The following BICD2 variants were observed in gnomAD, a reference collection of about 807,000 sequenced individuals.
BICD2 encodes protein bicaudal D homolog 2.
In BICD2, 25 loss-of-function variants were observed where a neutral mutation model predicts 72.9. The observed-to-expected ratio is 0.34, with a 90% CI of 0.25 to 0.48. BICD2 has a LOEUF of 0.48. Among genes scored for constraint, BICD2 ranks in the 20% least tolerant of loss-of-function variants. The pLI is 0.99. For synonymous variants in BICD2, 501 were observed against 516.1 expected (o/e 0.97, Z 0.40); for missense variants, 894 against 1,175.2 (o/e 0.76, Z 3.50).
intron 2 of BICD2, among the ~76,000 whole-genome samples, chr9:92,727,954 GT>G (rs1285030050): frequency 6.6e-6 from 1 of 152,166 alleles, no homozygotes; most frequent in African/African-American, 2.4e-5. Flanking sequence ...TGCTCACACT[GT>G]TTCCTCAGGT....
In BICD2 at chr9:92,728,493, G is replaced by A. The variant is rs548016296; in HGVS notation, c.453+531C>T. Among the ~76,000 whole-genome samples the A allele has an allele frequency of 5.6e-4, 85 of 152,346 alleles. 1 individual carries two copies. Among genetic ancestry groups the A allele is most frequent in the African/African-American group, 1.7e-3 (71 of 41,586 alleles). On this transcript the variant is annotated intron_variant, in intron 2 of 6. Coordinates refer to ENST00000356884, the MANE Select transcript of BICD2 (RefSeq NM_001003800.2). Reference sequence around the variant, plus strand: ...ACCCTCCCTGCGGGCACTCTGCTGTGAACAAGGCAGGGGTGTGGCAGCTGG... The same window carrying A: ...ACCCTCCCTGCGGGCACTCTGCTGTAAACAAGGCAGGGGTGTGGCAGCTGG...
chr9:92,727,208 C>T (rs998397174), intron 2 of BICD2, among the ~76,000 whole-genome samples: 5 of 152,154 alleles, frequency 3.3e-5, no homozygotes, highest in Non-Finnish European at 5.9e-5. Context: ...CTGCTGACCC[C>T]GAGGGCAGCA....
chr9:92,726,992 G>A (rs2131508631), intron 2 of BICD2, among the ~76,000 whole-genome samples: 1 of 152,318 alleles, frequency 6.6e-6, no homozygotes, highest in South Asian at 2.1e-4. Flanking sequence ...TTCAGGAATA[G>A]ACGGGCCAGA....
In BICD2 at chr9:92,713,298, G is replaced by A. The variant is rs1462639521; in HGVS notation, c.*1856C>T. On this transcript the variant is annotated 3_prime_UTR_variant, in exon 7 of 7. Transcript: ENST00000356884. The stretch of plus-strand genomic sequence containing the variant: ...CTTTTTTTCCTCCCATTAAAAACCT[G>A]GGGAATGCTATTTTGAAAAGAATTG... 5 of 801,470 alleles carry A rather than the reference G, an allele frequency of 6.2e-6. No individual in the cohort carries two copies. Among genetic ancestry groups the A allele is most frequent in the Non-Finnish European group, 1.0e-5 (5 of 498,718 alleles). 49.6% of individuals were successfully genotyped at this position (801,470 alleles called of 1,614,324 possible).
intron 3 of BICD2, among the ~76,000 whole-genome samples, chr9:92,721,332 C>T (rs1853460778): frequency 6.6e-6 from 1 of 152,172 alleles, no homozygotes; most frequent in African/African-American, 2.4e-5. Context: ...ATCTCAACCA[C>T]TAAACCTCCA....
chr9:92,760,128 C>T (rs932799812), intron 1 of BICD2, among the ~76,000 whole-genome samples: 1 of 152,172 alleles, frequency 6.6e-6, no homozygotes, highest in Non-Finnish European at 1.5e-5. Context: ...CCAGACTCCC[C>T]CTGTGGAGTC....
At position 92,719,558 on chromosome 9, in the gene BICD2, G is replaced by C; in HGVS notation, c.1087C>G (p.Leu363Val). 1 of 1,604,362 alleles carries C rather than the reference G, an allele frequency of 6.2e-7. No homozygotes were observed. Among genetic ancestry groups the C allele is most frequent in the African/African-American group, 1.3e-5 (1 of 74,976 alleles). ...MQMEREKAGLLATLQDTQKQL... is the reference protein window; with the variant it reads ...MQMEREKAGLVATLQDTQKQL... ...TTCTGTGTGTCCTGCAGCGTTGCCA[G>C]CAGGCCCGCCTTTTCCCGCTCCATC... is the stretch of plus-strand genomic sequence containing the variant. Residue 363 changes from leucine (L) to valine (V), a missense_variant, in exon 5 of 7, where the codon CTG becomes GTG. This residue lies in a region of BICD2 where 371 missense variants were observed against 439.1 expected (regional missense o/e 0.84). Coordinates refer to ENST00000356884, the MANE Select transcript of BICD2 (RefSeq NM_001003800.2).
At chr9:92,719,633 G>A (rs1260592312) in intron 4 of BICD2, 51 bp from the exon 5 acceptor site, 7 of 1,493,822 alleles carry the variant, frequency 4.7e-6, no homozygotes, top group Admixed American at 2.1e-5. Flanking sequence ...TGGACCCCGA[G>A]AGCTTGGAGG....
intron 1 of BICD2, among the ~76,000 whole-genome samples, chr9:92,744,338 T>C (rs1343953430): frequency 6.6e-6 from 1 of 152,118 alleles, no homozygotes; most frequent in Non-Finnish European, 1.5e-5. Flanking sequence ...GATATAATCT[T>C]TGGTGTCAAA....
At chr9:92,741,635 A>G (rs1455193029) in intron 1 of BICD2, among the ~76,000 whole-genome samples, 3 of 152,190 alleles carry the variant, frequency 2.0e-5, no homozygotes, top group African/African-American at 7.2e-5. Context: ...TCTTACCTGG[A>G]TAGATTTAAA....
chr9:92,762,805 G>A (rs980719064), intron 1 of BICD2, among the ~76,000 whole-genome samples: 7 of 152,174 alleles, frequency 4.6e-5, no homozygotes, highest in Non-Finnish European at 1.0e-4. Context: ...GCCCAGGAGC[G>A]GCTCACGATG....
At position 92,751,785 on chromosome 9, in the gene BICD2, G is replaced by T. The variant is rs568363688; in HGVS notation, c.240+12720C>A. 1.0e-3 allele frequency among the ~76,000 whole-genome samples: 156 copies of T among 151,582 alleles called. 1 individual carries two copies. Among genetic ancestry groups the T allele is most frequent in the Middle Eastern group, 6.8e-3 (2 of 294 alleles). On this transcript the variant is annotated intron_variant, in intron 1 of 6. Transcript: ENST00000356884. ...TATTTATTGACATATGTATATACAT[G>T]GGTTAGTATACACTAACTGCATTTT...
At chr9:92,757,655 C>A (rs1255910227) in intron 1 of BICD2, among the ~76,000 whole-genome samples, 1 of 150,648 alleles carries the variant, frequency 6.6e-6, no homozygotes, top group Admixed American at 6.6e-5. Flanking sequence ...TGCAGTAAGC[C>A]GAGATCGCGC....
intron 1 of BICD2, among the ~76,000 whole-genome samples, chr9:92,749,924 G>T (rs1854113561): frequency 6.6e-6 from 1 of 152,272 alleles, no homozygotes; most frequent in Non-Finnish European, 1.5e-5. Context: ...CAAACGAGGG[G>T]AGGATGGCAC....
rs747934786 is a variant in BICD2, at chr9:92,714,429, A to C, written c.*725T>G. The stretch of plus-strand genomic sequence containing the variant: ...AAACCTGGGGCCTTGGGCCCTGCCA[A>C]TCTGTCACCTCACAGGCCACTATAC... On this transcript the variant is annotated 3_prime_UTR_variant, in exon 7 of 7. Coordinates refer to ENST00000356884, the MANE Select transcript of BICD2 (RefSeq NM_001003800.2). 96 of 985,360 alleles carry C rather than the reference A, an allele frequency of 9.7e-5. No individual in the cohort carries two copies. The highest frequency in any genetic ancestry group is 1.1e-4 in the Non-Finnish European group (88 of 829,964). 61.0% of individuals were successfully genotyped at this position (985,360 alleles called of 1,614,324 possible).
In BICD2 at chr9:92,722,646, C is replaced by T; in HGVS notation, c.606+10G>A. ...ACGTGCCACCTCCACCCCACAGGCC[C>T]AAGACTCACCTGGTTCTGTCTGAGC... On this transcript the variant is annotated intron_variant, in intron 3 of 6. Coordinates refer to ENST00000356884, the MANE Select transcript of BICD2 (RefSeq NM_001003800.2). The T allele has an allele frequency of 6.2e-7, 1 of 1,614,170 alleles. No homozygotes were observed.
At chr9:92,751,435 A>G (rs1854148013) in intron 1 of BICD2, among the ~76,000 whole-genome samples, 1 of 151,952 alleles carries the variant, frequency 6.6e-6, no homozygotes, top group Non-Finnish European at 1.5e-5. Flanking sequence ...TGAGCCACTG[A>G]GCCCAGCCCT....
chr9:92,720,481 T>A lies in BICD2; in HGVS notation c.881A>T (p.Asn294Ile). The A allele has an allele frequency of 7.4e-6, 12 of 1,614,160 alleles. No individual in the cohort carries two copies. The highest frequency in any genetic ancestry group is 1.0e-5 in the Non-Finnish European group (12 of 1,180,028). Residue 294 changes from asparagine (N) to isoleucine (I), a missense_variant, in exon 4 of 7, where the codon AAC becomes ATC. This residue lies in a region of BICD2 where 371 missense variants were observed against 439.1 expected (regional missense o/e 0.84). Coordinates refer to ENST00000356884, the MANE Select transcript of BICD2 (RefSeq NM_001003800.2). The surrounding 1 kb of genome is among the most constrained non-coding windows in gnomAD (Gnocchi z 5.4). Reference sequence around the variant, plus strand: ...GCCATTGACCAGGGCCTCGGCATCGTTGTTGGGCTCGGCAGCATCGTCACT... The same window carrying A: ...GCCATTGACCAGGGCCTCGGCATCGATGTTGGGCTCGGCAGCATCGTCACT... ...KFSDDAAEPN[N>I]DAEALVNGFE...
intron 1 of BICD2, among the ~76,000 whole-genome samples, chr9:92,732,103 T>C (rs1481400423): frequency 1.3e-5 from 2 of 152,146 alleles, no homozygotes; most frequent in African/African-American, 4.8e-5. Flanking sequence ...CACTTACCAC[T>C]GAGCAGGCAA....
Sources: allele counts gnomAD v4.1 joint callset (sites outside exome capture counted in the v4.1 genomes callset), GRCh38; gene constraint gnomAD v4.1.1; regional missense constraint gnomAD v4.1.1; non-coding constraint Gnocchi (gnomAD v3.1); transcripts MANE v1.5; gene names NCBI Gene and HGNC (gene_info 2026-07-23, HGNC 2026-07-21).